Variants in C3orf85 observed in about 807,000 individuals in gnomAD.
C3orf85 encodes the protein uncharacterized protein C3orf85.
In C3orf85, 1 loss-of-function variant was observed where a neutral mutation model predicts 1.7. The ratio of observed to expected loss-of-function variants is 0.60; its 90% CI spans 0.21 to 2.86. The LOEUF (loss-of-function observed/expected upper bound fraction) is 2.86. Among genes scored for constraint, C3orf85 ranks in the 30% most tolerant of loss-of-function variants. The pLI is 0.22. For synonymous variants in C3orf85, 17 were observed against 8.0 expected (o/e 2.13, Z -1.90); for missense variants, 29 against 21.3 (o/e 1.36, Z -0.72).
intron 2 of C3orf85, among the ~76,000 whole-genome samples, chr3:109,144,872 GA>G (rs926964189): frequency 2.1e-4 from 32 of 151,898 alleles, no homozygotes; most frequent in Non-Finnish European, 4.0e-4. Flanking sequence ...ATTTTGTTTT[GA>G]AAAAAACACC....
Position 109,150,192 on chromosome 3 carries a change from AAAG to A in C3orf85, c.*301_*303del, listed in dbSNP as rs1434370060. 33 of 87,126 alleles carry A rather than the reference AAAG, an allele frequency of 3.8e-4. No individual in the cohort carries two copies. The highest frequency in any genetic ancestry group is 1.0e-3 in the African/African-American group (31 of 30,730). 5.4% of individuals were successfully genotyped at this position (87,126 alleles called of 1,614,324 possible). On this transcript the variant is annotated 3_prime_UTR_variant, in exon 4 of 4. Transcript: ENST00000622536. ...GGAAAAGGAAAGCAAAAACATAAAC[AAAG>A]AAAAGTAGTTTCATTAAACCACTCT...
chr3:109,148,242 C>A lies in C3orf85; in HGVS notation c.50-11C>A. 1.4e-6 allele frequency: 1 copy of A among 700,936 alleles called. No individual in the cohort carries two copies. Among genetic ancestry groups the A allele is most frequent in the South Asian group, 1.5e-5 (1 of 67,338 alleles). 43.4% of individuals were successfully genotyped at this position (700,936 alleles called of 1,614,324 possible). A position where few individuals can be genotyped will look rare whatever the true frequency, so the allele number is the denominator to read the frequency against. On this transcript the variant is annotated splice_polypyrimidine_tract_variant and intron_variant, in intron 2 of 3. Transcript: ENST00000622536. ...CTAAAAGATGCTGTGCTCTTGGACT[C>A]TAAATTGCAGGAGCATTGGGAGCGC...
In C3orf85 at chr3:109,149,820, A is replaced by G. The variant is rs1706848258; in HGVS notation, c.199A>G (p.Ile67Val). ...TLAKQARETWIALKTTAQYYL... is the reference protein window; with the variant it reads ...TLAKQARETWVALKTTAQYYL... Reference sequence around the variant, plus strand: ...TTTCTTGAAGGCTCGTGAAACATGGATTGCTTTGAAAACAACAGCACAGTA... The same window carrying G: ...TTTCTTGAAGGCTCGTGAAACATGGGTTGCTTTGAAAACAACAGCACAGTA... Residue 67 changes from isoleucine to valine, a missense_variant, in exon 4 of 4, where the codon ATT (isoleucine) becomes GTT (valine). Physicochemically the swap from Ile to Val is conservative, Grantham distance 29 (BLOSUM62 3). Coordinates refer to ENST00000622536, the MANE Select transcript of C3orf85 (RefSeq NM_001351622.2). 1 of 398,414 alleles carries G rather than the reference A, an allele frequency of 2.5e-6. No individual in the cohort carries two copies. Among genetic ancestry groups the G allele is most frequent in the African/African-American group, 2.1e-5 (1 of 48,600 alleles). The allele number at this position is 398,414 out of a possible 1,614,324, so 24.7% of individuals were successfully genotyped here. A position where few individuals can be genotyped will look rare whatever the true frequency, so the allele number is the denominator to read the frequency against.
At chr3:109,141,111 T>C (rs1157218700) in intron 2 of C3orf85, among the ~76,000 whole-genome samples, 2 of 152,066 alleles carry the variant, frequency 1.3e-5, no homozygotes, top group East Asian at 1.9e-4. Context: ...CTCAGCCTCC[T>C]GAGTAGCTGG....
chr3:109,144,282 GGA>G (rs1198320624), intron 2 of C3orf85, among the ~76,000 whole-genome samples: 3 of 152,102 alleles, frequency 2.0e-5, no homozygotes, highest in African/African-American at 7.2e-5. Flanking sequence ...CAAGCAGAGA[GGA>G]TAATAGCCTG....
At chr3:109,137,070 C>CTG (rs3054419) in intron 2 of C3orf85, among the ~76,000 whole-genome samples, 174 bp downstream of exon 2, 2,779 of 149,792 alleles carry the variant, frequency 0.019, 32 homozygotes, top group African/African-American at 0.033. Flanking sequence ...TTAATGTTAA[C>CTG]TGTGTGTGTG....
At chr3:109,141,241 C>T (rs1195062724) in intron 2 of C3orf85, among the ~76,000 whole-genome samples, 1 of 152,152 alleles carries the variant, frequency 6.6e-6, no homozygotes, top group Non-Finnish European at 1.5e-5. Flanking sequence ...CCCACCTTGG[C>T]TTCCCAAAGT....
At chr3:109,147,845 A>G (rs965210151) in intron 2 of C3orf85, among the ~76,000 whole-genome samples, 1 of 152,182 alleles carries the variant, frequency 6.6e-6, no homozygotes, top group Non-Finnish European at 1.5e-5. Context: ...ACAGTCATCA[A>G]TTTATCCAGT....
chr3:109,139,857 C>T (rs547670320), intron 2 of C3orf85, among the ~76,000 whole-genome samples: 1 of 152,318 alleles, frequency 6.6e-6, no homozygotes, highest in Non-Finnish European at 1.5e-5. Context: ...TCTTATTTTT[C>T]ACTCCACAGT....
chr3:109,137,637 G>GTGTATATATATATA (rs751674362), intron 2 of C3orf85, among the ~76,000 whole-genome samples: 79 of 79,892 alleles, frequency 9.9e-4, no homozygotes, highest in Admixed American at 1.6e-3. Context: ...GTGTGTGTGT[G>GTGTATATATATATA]TATATATATA....
intron 2 of C3orf85, among the ~76,000 whole-genome samples, chr3:109,143,468 A>G (rs1419297470): frequency 6.6e-6 from 1 of 152,148 alleles, no homozygotes; most frequent in African/African-American, 2.4e-5. Flanking sequence ...TCATAATATG[A>G]ATACATTTTT....
chr3:109,139,579 T>C (rs1298069678), intron 2 of C3orf85, among the ~76,000 whole-genome samples: 1 of 152,232 alleles, frequency 6.6e-6, no homozygotes. Flanking sequence ...TGGGTTTTTT[T>C]TGTTGTTTCT....
Position 109,150,114 on chromosome 3 carries a change from TA to T in C3orf85, c.*232del, listed in dbSNP as rs57306274. 96,917 of 231,502 alleles carry T rather than the reference TA, an allele frequency of 0.42. 16,288 individuals are homozygous for T. The highest frequency in any genetic ancestry group is 0.74 in the East Asian group (9,603 of 12,934). The allele number at this position is 231,502 out of a possible 1,614,324, so 14.3% of individuals were successfully genotyped here. A position where few individuals can be genotyped will look rare whatever the true frequency, so the allele number is the denominator to read the frequency against. On this transcript the variant is annotated 3_prime_UTR_variant, in exon 4 of 4. Coordinates refer to ENST00000622536, the MANE Select transcript of C3orf85 (RefSeq NM_001351622.2). ...AAATGGTAGTTCTCAAAAAAAGAAC[TA>T]AAAAAAAAAAAGGCTGTAGTAATAA...
At chr3:109,140,901 C>G (rs1706737279) in intron 2 of C3orf85, among the ~76,000 whole-genome samples, 1 of 152,222 alleles carries the variant, frequency 6.6e-6, no homozygotes, top group African/African-American at 2.4e-5. Context: ...ATTGTAATGC[C>G]AGTAAAGTGG....
chr3:109,140,612 G>C (rs894827249), intron 2 of C3orf85, among the ~76,000 whole-genome samples: 1 of 152,204 alleles, frequency 6.6e-6, no homozygotes, highest in Non-Finnish European at 1.5e-5. Context: ...TGTATATGGA[G>C]ATGGGGATCC....
chr3:109,148,741 G>A, intron 3 of C3orf85: 1 of 214,974 alleles, frequency 4.7e-6, no homozygotes. Flanking sequence ...TATAAAGGTA[G>A]GGTCTGTATC....
chr3:109,146,760 A>G (rs1036650038), intron 2 of C3orf85, among the ~76,000 whole-genome samples: 4 of 152,304 alleles, frequency 2.6e-5, no homozygotes, highest in Middle Eastern at 3.4e-3. Flanking sequence ...AATTGCACAC[A>G]GTCATTCCAC....
At chr3:109,146,519 G>A (rs1218761004) in intron 2 of C3orf85, among the ~76,000 whole-genome samples, 2 of 152,206 alleles carry the variant, frequency 1.3e-5, no homozygotes. Context: ...CGGTAAAGAT[G>A]TCAATGGGGG....
chr3:109,139,621 A>C (rs562127163), intron 2 of C3orf85, among the ~76,000 whole-genome samples: 1 of 152,214 alleles, frequency 6.6e-6, no homozygotes, highest in South Asian at 2.1e-4. Context: ...GATTGCTTTC[A>C]TTCTTCTGCT....
Sources: gnomAD v4.1 joint callset for allele counts (sites outside exome capture counted in the v4.1 genomes callset) on GRCh38, gnomAD v4.1.1 for gene constraint, MANE v1.5 for transcripts, NCBI Gene and HGNC (gene_info 2026-07-23, HGNC 2026-07-21) for gene names.